XYLT1: variants seen among roughly 807,000 people sequenced by gnomAD.
XYLT1 encodes xylosyltransferase 1, also known as beta-D-xylosyltransferase 1.
In XYLT1, 36 loss-of-function variants were observed where a neutral mutation model predicts 91.3. That is an observed-to-expected ratio of 0.39 (90% CI 0.30 to 0.52). The LOEUF (loss-of-function observed/expected upper bound fraction) is 0.52, where lower values mean the gene tolerates loss of function less well. Among genes scored for constraint, XYLT1 ranks in the 20% least tolerant of loss-of-function variants. The pLI is 0.68. For synonymous variants in XYLT1, 588 were observed against 532.0 expected, an observed-to-expected ratio of 1.11 and a Z score of -1.45; for missense variants, 1,242 against 1,284.5, an observed-to-expected ratio of 0.97 and a Z score of 0.51.
chr16:17,407,801 G>T (rs931206197), intron 1 of XYLT1, among the ~76,000 whole-genome samples: 1 of 152,238 alleles, frequency 6.6e-6, no homozygotes, highest in Non-Finnish European at 1.5e-5. Flanking sequence ...CAAACCGCAT[G>T]TTGAAATTTG....
intron 3 of XYLT1, among the ~76,000 whole-genome samples, chr16:17,231,565 T>G (rs905273301): frequency 6.6e-6 from 1 of 152,162 alleles, no homozygotes; most frequent in African/African-American, 2.4e-5. Flanking sequence ...TGGATTGTTA[T>G]GAGATTTTGT....
At chr16:17,345,231 C>T (rs1243482072) in intron 2 of XYLT1, among the ~76,000 whole-genome samples, 1 of 152,232 alleles carries the variant, frequency 6.6e-6, no homozygotes, top group African/African-American at 2.4e-5. Context: ...GAACTGCACG[C>T]AGGCAAAAAA....
At chr16:17,442,931 C>T (rs996542383) in intron 1 of XYLT1, among the ~76,000 whole-genome samples, 4 of 152,016 alleles carry the variant, frequency 2.6e-5, no homozygotes, top group African/African-American at 7.3e-5. Context: ...TCTCGGTGAA[C>T]GTGTGTTACT....
chr16:17,411,797 T>C (rs916142642), intron 1 of XYLT1, among the ~76,000 whole-genome samples: 1 of 152,178 alleles, frequency 6.6e-6, no homozygotes, highest in Non-Finnish European at 1.5e-5. Flanking sequence ...CTCCGGAAAC[T>C]GTCCAAGAAG....
chr16:17,167,784 G>A (rs569263769), intron 5 of XYLT1, among the ~76,000 whole-genome samples: 3 of 151,058 alleles, frequency 2.0e-5, no homozygotes, highest in African/African-American at 7.3e-5. Context: ...CTTCCATCTC[G>A]TGAATGGATT....
rs2032441348 is a variant in XYLT1, at chr16:17,197,024, T to C, written c.1289+1188A>G. 1.6e-5 allele frequency among the ~76,000 whole-genome samples: 2 copies of C among 126,988 alleles called. 1 individual carries two copies. Among genetic ancestry groups the C allele is most frequent in the African/African-American group, 7.7e-5 (2 of 25,942 alleles). The allele number at this position is 126,988 out of a possible 152,430, so 83.3% of individuals were successfully genotyped here. A position where few individuals can be genotyped will look rare whatever the true frequency, so the allele number is the denominator to read the frequency against. ...AGACTCTGTCTCCAAAATATATATA[T>C]ATATATAGATATATATACCGTTCAG... On this transcript the variant is annotated intron_variant, in intron 5 of 11. Transcript: ENST00000261381.
intron 6 of XYLT1, among the ~76,000 whole-genome samples, chr16:17,149,303 A>T (rs1016150445): frequency 6.6e-6 from 1 of 152,226 alleles, no homozygotes; most frequent in African/African-American, 2.4e-5. Flanking sequence ...TTTAGAAGGA[A>T]TAACTCTGCT....
At chr16:17,353,511 G>T (rs2035249130) in intron 2 of XYLT1, among the ~76,000 whole-genome samples, 1 of 152,138 alleles carries the variant, frequency 6.6e-6, no homozygotes, top group Non-Finnish European at 1.5e-5. Flanking sequence ...TGATGCGCAG[G>T]GACATGTTTT....
chr16:17,404,866 T>C (rs192494558), intron 1 of XYLT1, among the ~76,000 whole-genome samples: 4 of 152,310 alleles, frequency 2.6e-5, no homozygotes, highest in Admixed American at 2.0e-4. Context: ...GGCATAAACG[T>C]GTGCAGAGAG....
chr16:17,398,940 G>A (rs927503631), intron 1 of XYLT1, among the ~76,000 whole-genome samples: 27 of 151,104 alleles, frequency 1.8e-4, no homozygotes, highest in Non-Finnish European at 3.8e-4. Flanking sequence ...TACCTCCCAG[G>A]TTCAGGTGAT....
chr16:17,248,570 TA>T (rs1567340941), intron 3 of XYLT1, among the ~76,000 whole-genome samples: 2 of 152,084 alleles, frequency 1.3e-5, no homozygotes, highest in African/African-American at 4.8e-5. Context: ...GTGAGTGTTT[TA>T]AACTATCAAC....
chr16:17,269,817 T>TTATTATTATTA (rs1158385743), intron 2 of XYLT1, among the ~76,000 whole-genome samples: 2 of 150,418 alleles, frequency 1.3e-5, no homozygotes, highest in African/African-American at 4.9e-5. Flanking sequence ...ATTATTATTA[T>TTATTATTATTA]TATCATTATT....
chr16:17,229,451 G>A (rs1419635375), intron 3 of XYLT1, among the ~76,000 whole-genome samples: 1 of 152,198 alleles, frequency 6.6e-6, no homozygotes, highest in East Asian at 1.9e-4. Flanking sequence ...GAGGAAACTA[G>A]AGAGTATGGA....
rs2030851419 is a variant in XYLT1, at chr16:17,138,523, G to C, written c.1596C>G (p.Phe532Leu). Residue 532 changes from phenylalanine to leucine, a missense_variant, in exon 8 of 12, where the codon TTC (phenylalanine) becomes TTG (leucine). Phe to Leu is a conservative substitution (Grantham distance 22). Coordinates refer to ENST00000261381, the MANE Select transcript of XYLT1 (RefSeq NM_022166.4). ...SYTLLPAESF[F>L]HTVLENSPHC... ...GGGGGCTGTTCTCCAGGACCGTATG[G>C]AAGAAGGACTGCAGGGGAGAGAGGG... is the stretch of plus-strand genomic sequence containing the variant. 6.2e-7 allele frequency: 1 copy of C among 1,612,852 alleles called. No individual in the cohort carries two copies. Among genetic ancestry groups the C allele is most frequent in the Admixed American group, 1.7e-5 (1 of 59,998 alleles).
chr16:17,442,213 C>A (rs921184703), intron 1 of XYLT1, among the ~76,000 whole-genome samples: 1 of 152,192 alleles, frequency 6.6e-6, no homozygotes, highest in Non-Finnish European at 1.5e-5. Context: ...GACTTCTCAG[C>A]CATCATACTT....
chr16:17,169,662 TG>T (rs752355311), intron 5 of XYLT1, among the ~76,000 whole-genome samples: 118 of 36,112 alleles, frequency 3.3e-3, no homozygotes, highest in Non-Finnish European at 4.9e-3. Context: ...CTTGGTGGGT[TG>T]GGGGGCGGGC....
At chr16:17,254,240 TCTC>T (rs1213920590) in intron 3 of XYLT1, among the ~76,000 whole-genome samples, 1 of 151,960 alleles carries the variant, frequency 6.6e-6, no homozygotes, top group Non-Finnish European at 1.5e-5. Context: ...AATACCAACC[TCTC>T]CTCCTTCTTC....
intron 6 of XYLT1, among the ~76,000 whole-genome samples, chr16:17,152,378 AAC>A (rs1182316466): frequency 6.6e-6 from 1 of 152,238 alleles, no homozygotes; most frequent in Non-Finnish European, 1.5e-5. Flanking sequence ...TGAACATGCA[AAC>A]AGTCATGAAC....
At chr16:17,228,782 T>C (rs1329532551) in intron 3 of XYLT1, among the ~76,000 whole-genome samples, 2 of 152,198 alleles carry the variant, frequency 1.3e-5, no homozygotes, top group Admixed American at 6.5e-5. Flanking sequence ...TTTACATGAT[T>C]GCTACTTACT....
Sources: allele counts gnomAD v4.1 joint callset (sites outside exome capture counted in the v4.1 genomes callset), GRCh38; gene constraint gnomAD v4.1.1; transcripts MANE v1.5; gene names NCBI Gene and HGNC (gene_info 2026-07-23, HGNC 2026-07-21).